Variants in KATNAL2 observed in about 807,000 individuals in gnomAD.
KATNAL2 encodes katanin p60 ATPase-containing subunit A-like 2.
A neutral mutation model predicts 76.3 loss-of-function variants in KATNAL2; 52 were observed. That is an observed-to-expected ratio of 0.68 (90% CI 0.55 to 0.86). The LOEUF (loss-of-function observed/expected upper bound fraction) is 0.86. KATNAL2 is among the 40% of genes least tolerant of loss of function. KATNAL2 has a pLI of 0.00. For missense variants in KATNAL2, 660 were observed against 668.9 expected, an observed-to-expected ratio of 0.99 and a Z score of 0.15; for synonymous variants, 243 against 244.2, an observed-to-expected ratio of 1.00 and a Z score of 0.05.
intron 16 of KATNAL2, 25 bp from the exon 17 acceptor site, chr18:47,100,229 A>T: frequency 1.3e-6 from 2 of 1,572,174 alleles, no homozygotes; most frequent in South Asian, 1.1e-5. Context: ...CCACTGACCA[A>T]TGGCTGGTTT....
At chr18:46,936,749 C>T (rs1359659794) in intron 1 of KATNAL2, among the ~76,000 whole-genome samples, 1 of 152,032 alleles carries the variant, frequency 6.6e-6, no homozygotes, top group African/African-American at 2.4e-5. Flanking sequence ...ATGAGGAGTT[C>T]GAGACCAGCC....
intron 13 of KATNAL2, among the ~76,000 whole-genome samples, chr18:47,071,669 C>T (rs1381797130): frequency 2.0e-5 from 3 of 152,016 alleles, no homozygotes; most frequent in African/African-American, 4.8e-5. Flanking sequence ...ACTCTTGAGA[C>T]AGGACTTACC....
chr18:47,053,702 T>G (rs2061397614), intron 5 of KATNAL2, among the ~76,000 whole-genome samples: 1 of 152,234 alleles, frequency 6.6e-6, no homozygotes, highest in African/African-American at 2.4e-5. Flanking sequence ...TAACATTTCA[T>G]GTAGGGACCG....
chr18:47,070,106 T>C (rs970270386), intron 13 of KATNAL2, among the ~76,000 whole-genome samples: 10 of 150,230 alleles, frequency 6.7e-5, no homozygotes, highest in African/African-American at 2.2e-4. Context: ...TCTTTTTTTT[T>C]TTTTTTTTAG....
At chr18:47,032,901 T>C in intron 3 of KATNAL2, 2 of 1,598,370 alleles carry the variant, frequency 1.3e-6, no homozygotes, top group East Asian at 2.2e-5. Context: ...TTGCACCAAG[T>C]TAAAGGTTCT....
At chr18:46,951,258 A>G (rs900517349) in intron 3 of KATNAL2, among the ~76,000 whole-genome samples, 1 of 152,084 alleles carries the variant, frequency 6.6e-6, no homozygotes, top group Non-Finnish European at 1.5e-5. Context: ...ATTTTATTTA[A>G]CTTTTGGGAC....
At chr18:47,047,056 G>T (rs972724404) in intron 4 of KATNAL2, among the ~76,000 whole-genome samples, 1 of 152,058 alleles carries the variant, frequency 6.6e-6, no homozygotes, top group African/African-American at 2.4e-5. Context: ...CAGTAGCTGA[G>T]ACTGCTGGTG....
chr18:47,069,553 T>C lies in KATNAL2; in HGVS notation c.961T>C (p.Ser321Pro). 6.2e-7 allele frequency: 1 copy of C among 1,614,014 alleles called. No homozygotes were observed. The highest frequency in any genetic ancestry group is 8.5e-7 in the Non-Finnish European group (1 of 1,179,940). ...AACAACCTTCTTTAACATTTCTGCATCCACCATTGTCAGCAAATGGAGAGG... is the reference window on the plus strand; with the variant it reads ...AACAACCTTCTTTAACATTTCTGCACCCACCATTGTCAGCAAATGGAGAGG... ...CKTTFFNISA[S>P]TIVSKWRGDS... The change falls in exon 13 of 18, where the codon TCC (serine) becomes CCC (proline). Residue 321 changes from serine (S) to proline (P), a missense_variant. Transcript: ENST00000683218.
chr18:46,947,098 T>C (rs1183098600), intron 3 of KATNAL2, among the ~76,000 whole-genome samples, 175 bp downstream of exon 3: 1 of 151,876 alleles, frequency 6.6e-6, no homozygotes, highest in African/African-American at 2.4e-5. Flanking sequence ...CTTGCAGCCG[T>C]GATGGAGGGA....
At chr18:46,921,970 G>A (rs1362316169) in intron 1 of KATNAL2, among the ~76,000 whole-genome samples, 1 of 151,712 alleles carries the variant, frequency 6.6e-6, no homozygotes, top group Non-Finnish European at 1.5e-5. Context: ...TACTTCTTTT[G>A]CTAAGCATAT....
At chr18:47,033,523 GTC>G in intron 3 of KATNAL2, 1 of 1,614,168 alleles carries the variant, frequency 6.2e-7, no homozygotes, top group Non-Finnish European at 8.5e-7. Flanking sequence ...TAATTCGTCT[GTC>G]TCTCTAACGA....
At position 47,033,559 on chromosome 18, in the gene KATNAL2, C is replaced by A; in HGVS notation, c.52-12898C>A. The A allele has an allele frequency of 1.9e-6, 3 of 1,614,152 alleles. No individual in the cohort carries two copies. Among genetic ancestry groups the A allele is most frequent in the East Asian group, 2.2e-5 (1 of 44,874 alleles). ...GAGTGCGTGATTGTCTTTCTTTCTG[C>A]GATACAGCTGATCGGGCCTCCACCC... is the stretch of plus-strand genomic sequence containing the variant. On this transcript the variant is annotated intron_variant, in intron 3 of 17. Transcript: ENST00000683218.
chr18:47,100,429 G>A, intron 17 of KATNAL2, 73 bp downstream of exon 17: 1 of 1,264,160 alleles, frequency 7.9e-7, no homozygotes, highest in Non-Finnish European at 1.1e-6. Context: ...GATGGAGCCT[G>A]GCGCCTGTTC....
In KATNAL2 at chr18:47,100,303, C is replaced by A. The variant is rs138047360; in HGVS notation, c.1424C>A (p.Ala475Glu). The change falls in exon 17 of 18, where the codon GCA becomes GAA. Residue 475 changes from alanine (A) to glutamate (E), a missense_variant. Physicochemically the swap from Ala to Glu is moderately radical, Grantham distance 107. Coordinates refer to ENST00000683218, the MANE Select transcript of KATNAL2 (RefSeq NM_001387690.1). ...GATATTAAGCTCGTCTGCAGGGAAG[C>A]AGCCATGCGGCCCGTGAGGAAGATC... ...GSDIKLVCREAAMRPVRKIFD... is the reference protein window; with the variant it reads ...GSDIKLVCREEAMRPVRKIFD... The A allele has an allele frequency of 1.2e-6, 2 of 1,613,992 alleles. No individual in the cohort carries two copies. The highest frequency in any genetic ancestry group is 8.5e-7 in the Non-Finnish European group (1 of 1,179,986).
intron 15 of KATNAL2, among the ~76,000 whole-genome samples, chr18:47,092,623 C>T (rs2063050723): frequency 6.6e-6 from 1 of 152,180 alleles, no homozygotes; most frequent in Admixed American, 6.5e-5. Flanking sequence ...TGAGACATTC[C>T]AGGCATTCTA....
At chr18:46,951,815 G>C (rs1952836768) in intron 3 of KATNAL2, among the ~76,000 whole-genome samples, 1 of 152,072 alleles carries the variant, frequency 6.6e-6, no homozygotes, top group South Asian at 2.1e-4. Context: ...GCAGGGTCTT[G>C]CTCTGTCAGC....
At chr18:46,942,732 C>A (rs1026110842) in intron 1 of KATNAL2, among the ~76,000 whole-genome samples, 5 of 152,074 alleles carry the variant, frequency 3.3e-5, no homozygotes, top group Non-Finnish European at 5.9e-5. Context: ...ATTTTAAAGT[C>A]CTTGTCTGCT....
At chr18:46,951,691 C>T (rs1181493756) in intron 3 of KATNAL2, among the ~76,000 whole-genome samples, 1 of 152,096 alleles carries the variant, frequency 6.6e-6, no homozygotes, top group African/African-American at 2.4e-5. Flanking sequence ...AACTTCTCCT[C>T]TCACCTTGAT....
chr18:46,918,995 GTATA>G lies in KATNAL2; in HGVS notation c.-510+1079_-510+1082del, dbSNP rs376088999. ...TTATTTGATATATATGTGTGTGCGT[GTATA>G]TATATATATGTGTGTGTGTGTGTGT... On this transcript the variant is annotated intron_variant, in intron 1 of 17. Coordinates refer to ENST00000683218, the MANE Select transcript of KATNAL2 (RefSeq NM_001387690.1). Among the ~76,000 whole-genome samples the G allele has an allele frequency of 2.6e-3, 378 of 147,550 alleles. 2 individuals are homozygous for G. The highest frequency in any genetic ancestry group is 9.0e-3 in the African/African-American group (354 of 39,184).
Sources: allele counts gnomAD v4.1 joint callset (sites outside exome capture counted in the v4.1 genomes callset), GRCh38; gene constraint gnomAD v4.1.1; transcripts MANE v1.5; gene names NCBI Gene and HGNC (gene_info 2026-07-23, HGNC 2026-07-21).